The following BMPR1A variants were observed in gnomAD, a reference collection of about 807,000 sequenced individuals.
BMPR1A encodes the protein bone morphogenetic protein receptor type 1A.
BMPR1A carries 7 observed loss-of-function variants against 66.0 expected under a neutral mutation model. The ratio of observed to expected loss-of-function variants is 0.11; its 90% CI spans 0.06 to 0.20. BMPR1A has a LOEUF of 0.20. Ranked by LOEUF, BMPR1A falls within the 10% of genes least tolerant of loss-of-function variation. The probability of loss-of-function intolerance (pLI) is 1.00; values close to 1 mark genes in which losing one functional copy is unlikely to be tolerated. For synonymous variants in BMPR1A, 200 were observed against 229.7 expected (o/e 0.87, Z 1.17); for missense variants, 408 against 669.1 (o/e 0.61, Z 4.31).
intron 2 of BMPR1A, chr10:86,854,743 C>A: frequency 8.6e-6 from 2 of 232,928 alleles, no homozygotes; most frequent in South Asian, 7.8e-5. Context: ...ACGTATCATC[C>A]TCTATAAAAC....
intron 10 of BMPR1A, among the ~76,000 whole-genome samples, chr10:86,919,882 A>C (rs1843636870): frequency 6.6e-6 from 1 of 151,518 alleles, no homozygotes; most frequent in Non-Finnish European, 1.5e-5. Context: ...TAATGTTTTT[A>C]TTTTTTGCGG....
downstream of BMPR1A, chr10:86,928,753 C>G (rs985338385): frequency 1.3e-5 from 2 of 152,034 alleles, no homozygotes; most frequent in African/African-American, 4.8e-5. Context: ...CCCCTGGGTT[C>G]AAGTGATTCT....
intron 2 of BMPR1A, among the ~76,000 whole-genome samples, chr10:86,849,962 A>C (rs1212196473): frequency 2.6e-5 from 4 of 152,204 alleles, no homozygotes; most frequent in Non-Finnish European, 4.4e-5. Context: ...AATACTACGA[A>C]GCATCCAGAA....
chr10:86,774,579 A>G (rs1841315846), intron 1 of BMPR1A, among the ~76,000 whole-genome samples: 2 of 152,252 alleles, frequency 1.3e-5, no homozygotes, highest in South Asian at 4.1e-4. Context: ...AAAAGAGAAG[A>G]TGCTCTTTGA....
chr10:86,890,533 T>C (rs1843133189), intron 4 of BMPR1A, among the ~76,000 whole-genome samples: 1 of 152,062 alleles, frequency 6.6e-6, no homozygotes, highest in Non-Finnish European at 1.5e-5. Flanking sequence ...TTAGAAAACT[T>C]AGAGGTTACC....
chr10:86,770,895 A>G (rs1841248438), intron 1 of BMPR1A, among the ~76,000 whole-genome samples: 1 of 152,110 alleles, frequency 6.6e-6, no homozygotes, highest in Non-Finnish European at 1.5e-5. Context: ...TTAAGTTCCC[A>G]TTACCTTAAG....
chr10:86,777,994 CAA>C (rs562935482), intron 1 of BMPR1A, among the ~76,000 whole-genome samples: 10 of 139,394 alleles, frequency 7.2e-5, no homozygotes, highest in South Asian at 4.7e-4. Flanking sequence ...GCCTGGGTAA[CAA>C]GAGCGAAACT....
Position 86,927,543 on chromosome 10 carries a change from C to T in BMPR1A, c.*3824C>T, listed in dbSNP as rs1239008537. 1.0e-5 allele frequency: 2 copies of T among 199,998 alleles called. No homozygotes were observed. The highest frequency in any genetic ancestry group is 2.1e-5 in the Non-Finnish European group (2 of 97,108). The allele number at this position is 199,998 out of a possible 1,614,324, so 12.4% of individuals were successfully genotyped here. A position where few individuals can be genotyped will look rare whatever the true frequency, so the allele number is the denominator to read the frequency against. On this transcript the variant is annotated 3_prime_UTR_variant, in exon 13 of 13. Transcript: ENST00000372037. ...TCCAGCACAGCATCCTGTGAAGCCA[C>T]GTGTAATGATGGTCCCATAAGGAAA...
At chr10:86,919,105 A>G in intron 9 of BMPR1A, 67 bp from the exon 10 acceptor site, 2 of 1,579,708 alleles carry the variant, frequency 1.3e-6, no homozygotes, top group East Asian at 2.2e-5. Flanking sequence ...AGTATCCAGA[A>G]TGAGCATTAC....
At chr10:86,797,073 T>C (rs528031931) in intron 1 of BMPR1A, among the ~76,000 whole-genome samples, 45 of 143,446 alleles carry the variant, frequency 3.1e-4, no homozygotes, top group Admixed American at 1.7e-3. Context: ...CTTTTCTTTT[T>C]TTTTTTTTTT....
chr10:86,808,794 G>C (rs1363271497), intron 1 of BMPR1A, among the ~76,000 whole-genome samples: 1 of 152,056 alleles, frequency 6.6e-6, no homozygotes, highest in Non-Finnish European at 1.5e-5. Context: ...TCAATTTATG[G>C]TCAAACTTTG....
At chr10:86,854,933 C>CTT (rs921404914) in intron 2 of BMPR1A, 26 of 146,152 alleles carry the variant, frequency 1.8e-4, no homozygotes, top group Middle Eastern at 1.5e-3. Flanking sequence ...TTTTCTTTTT[C>CTT]TTTTTTTTTT....
intron 3 of BMPR1A, among the ~76,000 whole-genome samples, chr10:86,883,498 CG>C (rs1475437881): frequency 4.5e-5 from 6 of 134,654 alleles, no homozygotes; most frequent in Non-Finnish European, 9.2e-5. Flanking sequence ...TGTAGTGAGC[CG>C]AGATCACGCC....
At chr10:86,771,075 T>C (rs866311142) in intron 1 of BMPR1A, among the ~76,000 whole-genome samples, 2 of 152,216 alleles carry the variant, frequency 1.3e-5, no homozygotes, top group Admixed American at 6.5e-5. Flanking sequence ...CTCAATACTA[T>C]TTTAGCATTA....
rs1842390147 is a variant in BMPR1A at position 86,838,993 on chromosome 10, C to T, written c.-153+14C>T. ...CACATCTTGGAGGTAAGGAAAAGAA[C>T]ATAATTTAGAATAATATGAAATTTC... is the stretch of plus-strand genomic sequence containing the variant. On this transcript the variant is annotated intron_variant, in intron 2 of 12. Transcript: ENST00000372037. 6.6e-6 allele frequency: 1 copy of T among 152,094 alleles called. No homozygotes were observed. The highest frequency in any genetic ancestry group is 6.5e-5 in the Admixed American group (1 of 15,280). 9.4% of individuals were successfully genotyped at this position (152,094 alleles called of 1,614,324 possible).
intron 1 of BMPR1A, among the ~76,000 whole-genome samples, chr10:86,814,093 C>T (rs1842004405): frequency 6.6e-6 from 1 of 151,980 alleles, no homozygotes; most frequent in African/African-American, 2.4e-5. Flanking sequence ...CCTTAAAAAT[C>T]CTGCAATTTT....
intron 1 of BMPR1A, among the ~76,000 whole-genome samples, chr10:86,757,526 G>C (rs1847896246): frequency 6.6e-6 from 1 of 152,134 alleles, no homozygotes; most frequent in Non-Finnish European, 1.5e-5. Context: ...CAGACTCCTA[G>C]TGGAAAGATT....
Position 86,923,578 on chromosome 10 carries a change from T to C in BMPR1A, c.1474-16T>C. 1 of 1,614,238 alleles carries C rather than the reference T, an allele frequency of 6.2e-7. No homozygotes were observed. ...AAATATATTCTCTGCTCACTGAACA[T>C]CTCTTTACTTTTCAGTGTCTACGAG... On this transcript the variant is annotated splice_polypyrimidine_tract_variant and intron_variant, in intron 12 of 12. Coordinates refer to ENST00000372037, the MANE Select transcript of BMPR1A (RefSeq NM_004329.3).
rs1389453895 is a variant in BMPR1A at position 86,797,053 on chromosome 10, T to TTTTTC, written c.-268+40149_-268+40153dup. 5.7e-5 allele frequency among the ~76,000 whole-genome samples: 8 copies of TTTTTC among 140,506 alleles called. No individual in the cohort carries two copies. The South Asian group carries it at 9.4e-4, about 17-fold the overall frequency. The allele number at this position is 140,506 out of a possible 152,430, so 92.2% of individuals were successfully genotyped here. On this transcript the variant is annotated intron_variant, in intron 1 of 12. Coordinates refer to ENST00000372037, the MANE Select transcript of BMPR1A (RefSeq NM_004329.3). ...AGTTTATACTCTTATTTTTCCTTTCTTTTTCTTTTCTTTTCTTTTTTTTTT... is the reference window on the plus strand; with the variant it reads ...AGTTTATACTCTTATTTTTCCTTTCTTTTTCTTTTCTTTTCTTTTCTTTTTTTTTT...
Sources: allele counts gnomAD v4.1 joint callset (sites outside exome capture counted in the v4.1 genomes callset), GRCh38; gene constraint gnomAD v4.1.1; transcripts MANE v1.5; gene names NCBI Gene and HGNC (gene_info 2026-07-23, HGNC 2026-07-21).